Variants in ACLY observed in about 807,000 individuals in gnomAD.
The protein encoded by ACLY is ATP-citrate synthase.
In ACLY, 41 loss-of-function variants were observed where a neutral mutation model predicts 133.0. The observed-to-expected ratio is 0.31, with a 90% CI of 0.24 to 0.40. The LOEUF is 0.40. Ranked by LOEUF, ACLY falls within the 10% of genes least tolerant of loss-of-function variation. The pLI is 1.00. For missense variants in ACLY, 1,046 were observed against 1,453.8 expected, an observed-to-expected ratio of 0.72 and a Z score of 4.56; for synonymous variants, 495 against 549.3, an observed-to-expected ratio of 0.90 and a Z score of 1.38.
Position 41,895,938 on chromosome 17 carries a change from C to T in ACLY, c.1459+682G>A, listed in dbSNP as rs1295667609. Among the ~76,000 whole-genome samples the T allele has an allele frequency of 2.0e-5, 3 of 152,178 alleles. 1 individual carries two copies. Among genetic ancestry groups the T allele is most frequent in the Non-Finnish European group, 4.4e-5 (3 of 68,038 alleles). ...TCAGCTAGGCTGGTGGGTGAATGCG[C>T]ATGCACAGAAGTATCCACTGTAAAA... On this transcript the variant is annotated intron_variant, in intron 14 of 28. Transcript: ENST00000352035.
upstream of ACLY, among the ~76,000 whole-genome samples, chr17:41,923,565 TG>T (rs142842765): frequency 9.4e-4 from 143 of 152,332 alleles, no homozygotes; most frequent in African/African-American, 3.2e-3. Context: ...TCCTATCCAG[TG>T]GATCTCCTTT....
intron 20 of ACLY, among the ~76,000 whole-genome samples, chr17:41,882,417 G>A (rs1555627522): frequency 8.3e-6 from 1 of 120,142 alleles, no homozygotes; most frequent in African/African-American, 3.1e-5. Context: ...AGTTTTTGCT[G>A]TTAATGATAC....
chr17:41,872,985 A>G (rs2048636498), intron 23 of ACLY, among the ~76,000 whole-genome samples: 1 of 152,204 alleles, frequency 6.6e-6, no homozygotes, highest in Non-Finnish European at 1.5e-5. Flanking sequence ...TGACACAACC[A>G]AAGACATTGA....
At chr17:41,903,742 C>A (rs539841428) in intron 10 of ACLY, among the ~76,000 whole-genome samples, 2 of 108,818 alleles carry the variant, frequency 1.8e-5, no homozygotes, top group Admixed American at 1.4e-4. Context: ...GGCAACAGAG[C>A]GAGACTCTGT....
intron 22 of ACLY, 131 bp from the exon 23 acceptor site, chr17:41,874,096 C>A (rs1555625588): frequency 3.1e-6 from 3 of 972,132 alleles, no homozygotes; most frequent in Non-Finnish European, 4.2e-6. Flanking sequence ...AGCCAAGTAA[C>A]AACTCTCAAA....
At chr17:41,910,076 C>T (rs981994292) in intron 4 of ACLY, 146 bp downstream of exon 4, 9 of 798,304 alleles carry the variant, frequency 1.1e-5, no homozygotes, top group Non-Finnish European at 1.8e-5. Flanking sequence ...CCCGAGTCCG[C>T]AGCACCCTCA....
intron 4 of ACLY, among the ~76,000 whole-genome samples, 154 bp downstream of exon 4, chr17:41,910,068 C>T (rs35917664): frequency 0.036 from 5,553 of 152,180 alleles, 357 homozygotes; most frequent in African/African-American, 0.13. Context: ...TCTGGACTCC[C>T]GAGTCCGCAG....
intron 16 of ACLY, among the ~76,000 whole-genome samples, chr17:41,890,058 C>T (rs1032062801): frequency 2.6e-5 from 4 of 152,060 alleles, no homozygotes; most frequent in African/African-American, 4.8e-5. Flanking sequence ...AATGTTAATC[C>T]GAGATTGCCC....
intron 20 of ACLY, 120 bp downstream of exon 20, chr17:41,883,002 G>A: frequency 1.2e-6 from 1 of 826,156 alleles, no homozygotes. Context: ...AACCAAGCAA[G>A]TAACAAACGT....
chr17:41,874,982 G>C (rs2048696685), intron 22 of ACLY, among the ~76,000 whole-genome samples: 1 of 150,688 alleles, frequency 6.6e-6, no homozygotes, highest in Non-Finnish European at 1.5e-5. Context: ...AAGGTCACCT[G>C]GGTAAGAAAT....
intron 18 of ACLY, among the ~76,000 whole-genome samples, chr17:41,884,566 C>T (rs2049001165): frequency 6.6e-6 from 1 of 152,098 alleles, no homozygotes. Context: ...GAAAGTACGC[C>T]CTGGTGCAGT....
intron 4 of ACLY, 33 bp downstream of exon 4, chr17:41,910,189 A>G (rs374965490): frequency 8.1e-6 from 13 of 1,604,474 alleles, no homozygotes; most frequent in African/African-American, 1.3e-5. Flanking sequence ...TCCAGGAGGG[A>G]GAAGACCCAG....
chr17:41,880,788 C>T (rs1597983457), intron 20 of ACLY, among the ~76,000 whole-genome samples: 1 of 151,972 alleles, frequency 6.6e-6, no homozygotes, highest in African/African-American at 2.4e-5. Context: ...ATGGCGTGAA[C>T]CCCGGAGGTG....
chr17:41,918,313 CCCTGGGGCAG>C (rs1433255165), intron 1 of ACLY, among the ~76,000 whole-genome samples: 5 of 152,250 alleles, frequency 3.3e-5, no homozygotes, highest in African/African-American at 7.2e-5. Context: ...GCCTCGGGCA[CCCTGGGGCAG>C]CCTGGCCCCG....
At chr17:41,869,150 C>T (rs781856236) in intron 26 of ACLY, 25 bp from the exon 27 acceptor site, 3 of 1,568,180 alleles carry the variant, frequency 1.9e-6, no homozygotes, top group Non-Finnish European at 2.6e-6. Context: ...AAATTCAAAG[C>T]ATTTATCATT....
At chr17:41,883,097 C>T in intron 20 of ACLY, 25 bp downstream of exon 20, 1 of 1,597,994 alleles carries the variant, frequency 6.3e-7, no homozygotes, top group African/African-American at 1.3e-5. Context: ...ACTCCCAGCC[C>T]AGAAGTGACC....
At chr17:41,904,034 T>A (rs1308440466) in intron 10 of ACLY, among the ~76,000 whole-genome samples, 1 of 151,142 alleles carries the variant, frequency 6.6e-6, no homozygotes, top group Non-Finnish European at 1.5e-5. Flanking sequence ...GGAGAATCAC[T>A]TGAACCCAGG....
intron 10 of ACLY, among the ~76,000 whole-genome samples, chr17:41,903,755 C>CAA (rs10615655): frequency 8.2e-5 from 4 of 48,664 alleles, no homozygotes; most frequent in African/African-American, 1.9e-4. Context: ...GACTCTGTCT[C>CAA]AAAAAAAAAA....
chr17:41,893,209 C>A, intron 14 of ACLY, 35 bp from the exon 15 acceptor site: 1 of 1,592,872 alleles, frequency 6.3e-7, no homozygotes, highest in South Asian at 1.1e-5. Context: ...GCACCCAGAA[C>A]ACATACCCCC....
Sources: allele counts gnomAD v4.1 joint callset (sites outside exome capture counted in the v4.1 genomes callset), GRCh38; gene constraint gnomAD v4.1.1; transcripts MANE v1.5; gene names NCBI Gene and HGNC (gene_info 2026-07-23, HGNC 2026-07-21).